The following KDM4B variants were observed in gnomAD, a reference collection of about 807,000 sequenced individuals.
KDM4B encodes lysine demethylase 4B, also known as lysine-specific demethylase 4B.
KDM4B carries 32 observed loss-of-function variants against 125.2 expected under a neutral mutation model. That is an observed-to-expected ratio of 0.26 (90% CI 0.19 to 0.34). KDM4B has a LOEUF of 0.34. Among genes scored for constraint, KDM4B ranks in the 10% least tolerant of loss-of-function variants. The pLI, the probability that KDM4B is intolerant of heterozygous loss-of-function variation, is 1.00. For synonymous variants in KDM4B, 721 were observed against 677.9 expected (o/e 1.06, Z -0.99); for missense variants, 1,190 against 1,577.7 (o/e 0.75, Z 4.16).
intron 11 of KDM4B, among the ~76,000 whole-genome samples, 190 bp downstream of exon 11, chr19:5,120,042 C>T (rs1239613158): frequency 6.6e-6 from 1 of 152,212 alleles, no homozygotes; most frequent in African/African-American, 2.4e-5. Flanking sequence ...AAAAGTGCCT[C>T]CGTCCCCAGA....
intron 1 of KDM4B, among the ~76,000 whole-genome samples, chr19:4,983,396 C>T (rs965937024): frequency 1.3e-5 from 2 of 152,182 alleles, no homozygotes. Flanking sequence ...ATGAGACACA[C>T]CTGACATTCA....
chr19:4,975,673 A>G (rs1555684504), intron 1 of KDM4B, among the ~76,000 whole-genome samples: 1 of 149,892 alleles, frequency 6.7e-6, no homozygotes, highest in Admixed American at 6.6e-5. Context: ...GCTCACTGCA[A>G]CCTCCACCTC....
chr19:5,104,511 C>T (rs1463255291), intron 9 of KDM4B, among the ~76,000 whole-genome samples: 4 of 148,998 alleles, frequency 2.7e-5, no homozygotes, highest in Non-Finnish European at 4.4e-5. Flanking sequence ...CAACTAAAAT[C>T]TTGGGAAATT....
At chr19:5,058,730 G>C (rs142271426) in intron 6 of KDM4B, among the ~76,000 whole-genome samples, 1 of 152,180 alleles carries the variant, frequency 6.6e-6, no homozygotes, top group Non-Finnish European at 1.5e-5. Context: ...CCTTCATTTT[G>C]GAGTCTTTTG....
At chr19:5,093,703 A>G (rs1007092378) in intron 9 of KDM4B, among the ~76,000 whole-genome samples, 2 of 152,136 alleles carry the variant, frequency 1.3e-5, no homozygotes, top group Non-Finnish European at 2.9e-5. Context: ...GATGGTCGAG[A>G]TGGCTGTGAG....
chr19:4,990,225 G>C (rs1189193169), intron 1 of KDM4B, among the ~76,000 whole-genome samples: 1 of 152,210 alleles, frequency 6.6e-6, no homozygotes, highest in African/African-American at 2.4e-5. Context: ...AGGAGGTTGA[G>C]GCTGCAGTGA....
At chr19:5,103,265 A>G (rs1429431776) in intron 9 of KDM4B, among the ~76,000 whole-genome samples, 1 of 152,244 alleles carries the variant, frequency 6.6e-6, no homozygotes, top group Non-Finnish European at 1.5e-5. Context: ...CGACGTCCTG[A>G]AGCAGGCCCT....
chr19:5,104,209 C>T lies in KDM4B; in HGVS notation c.919-6413C>T, dbSNP rs932788546. On this transcript the variant is annotated intron_variant, in intron 9 of 22. Transcript: ENST00000159111. The stretch of plus-strand genomic sequence containing the variant: ...CCCCGGCAGCAGCAGGACGAGCAGG[C>T]GTGCCAGCACAGCTCCTGGGCACCT... Among the ~76,000 whole-genome samples, 16 of 152,178 alleles carry T rather than the reference C, an allele frequency of 1.1e-4. No individual in the cohort carries two copies. The East Asian group carries it at 1.7e-3, about 17-fold the overall frequency.
At position 5,082,338 on chromosome 19, in the gene KDM4B, G is replaced by C. The variant is rs1402022715; in HGVS notation, c.781-29G>C. 6.2e-7 allele frequency: 1 copy of C among 1,612,630 alleles called. No homozygotes were observed. The highest frequency in any genetic ancestry group is 8.5e-7 in the Non-Finnish European group (1 of 1,179,662). On this transcript the variant is annotated intron_variant, in intron 8 of 22. Coordinates refer to ENST00000159111, the MANE Select transcript of KDM4B (RefSeq NM_015015.3). This position sits in a 1 kb window ranked among gnomAD's most constrained non-coding sequence, Gnocchi z 5.4. ...CCCCTGGTGCGCCTCTGGTGGCCCT[G>C]CCCTCACCTGTCTCCTTTCCCTCTG...
In KDM4B at chr19:5,153,548, G is replaced by A. The variant is rs781118612; in HGVS notation, c.*2037G>A. 1 of 152,248 alleles carries A rather than the reference G, an allele frequency of 6.6e-6. No homozygotes were observed. Among genetic ancestry groups the A allele is most frequent in the Non-Finnish European group, 1.5e-5 (1 of 68,080 alleles). 9.4% of individuals were successfully genotyped at this position (152,248 alleles called of 1,614,324 possible). On this transcript the variant is annotated 3_prime_UTR_variant, in exon 23 of 23. Coordinates refer to ENST00000159111, the MANE Select transcript of KDM4B (RefSeq NM_015015.3). ...GGATACGCTGTATTTTTTGCCTAAT[G>A]TCCCTGCCTCTAGGTTCATAATGAA... is the stretch of plus-strand genomic sequence containing the variant.
intron 9 of KDM4B, among the ~76,000 whole-genome samples, chr19:5,084,258 GTATT>G (rs1568285265): frequency 6.9e-6 from 1 of 145,824 alleles, no homozygotes; most frequent in Non-Finnish European, 1.5e-5. Flanking sequence ...AAAAAAATAC[GTATT>G]TATATATTAT....
chr19:5,026,509 G>A (rs1461468551), intron 2 of KDM4B, among the ~76,000 whole-genome samples: 2 of 152,040 alleles, frequency 1.3e-5, no homozygotes, highest in South Asian at 2.1e-4. Flanking sequence ...ACTCTTGCTC[G>A]CCCCTCTGTG....
At chr19:5,104,015 GGGCCCTCCCCACGGCTGCCTGCAGTCT>G (rs1465730975) in intron 9 of KDM4B, among the ~76,000 whole-genome samples, 4 of 152,234 alleles carry the variant, frequency 2.6e-5, no homozygotes, top group African/African-American at 9.6e-5. Context: ...GCAGAAGGAG[GGGCCCTCCCCACGGCTGCCTGCAGTCT>G]GGCCCTCCCC....
intron 10 of KDM4B, among the ~76,000 whole-genome samples, chr19:5,118,943 C>G (rs2039307377): frequency 6.6e-6 from 1 of 152,178 alleles, no homozygotes; most frequent in Admixed American, 6.5e-5. Context: ...CTGGCAGGCC[C>G]TGGGGTGTGG....
intron 18 of KDM4B, among the ~76,000 whole-genome samples, 182 bp from the exon 19 acceptor site, chr19:5,143,785 G>A (rs996750701): frequency 6.6e-6 from 1 of 152,200 alleles, no homozygotes; most frequent in Non-Finnish European, 1.5e-5. Context: ...CAGTGGGTCT[G>A]GAGGGCTTGG....
At chr19:5,012,405 T>G (rs1414461135) in intron 1 of KDM4B, among the ~76,000 whole-genome samples, 1 of 152,162 alleles carries the variant, frequency 6.6e-6, no homozygotes, top group Non-Finnish European at 1.5e-5. Flanking sequence ...TCGGATTGCC[T>G]CTGCTTTCCC....
intron 2 of KDM4B, among the ~76,000 whole-genome samples, chr19:5,023,449 A>T (rs1488514883): frequency 1.3e-5 from 2 of 152,118 alleles, no homozygotes; most frequent in Non-Finnish European, 2.9e-5. Flanking sequence ...GCCAGGTTTC[A>T]CTTGGGAACC....
intron 4 of KDM4B, among the ~76,000 whole-genome samples, chr19:5,040,808 G>A (rs926356295): frequency 1.3e-5 from 2 of 152,024 alleles, no homozygotes; most frequent in Non-Finnish European, 2.9e-5. Flanking sequence ...CTAGTCTGTC[G>A]TCTGAGCTCA....
Position 5,081,604 on chromosome 19 carries a change from C to T in KDM4B, c.781-763C>T, listed in dbSNP as rs1599575691. 2.0e-5 allele frequency among the ~76,000 whole-genome samples: 3 copies of T among 152,258 alleles called. No homozygotes were observed. The East Asian group carries it at 5.8e-4, about 29-fold the overall frequency. ...TCAGAGACCTGCAAAGTCGAATGGGCCGAACATCCGAATTGGACCTGGGTC... is the reference window on the plus strand; with the variant it reads ...TCAGAGACCTGCAAAGTCGAATGGGTCGAACATCCGAATTGGACCTGGGTC... On this transcript the variant is annotated intron_variant, in intron 8 of 22. Coordinates refer to ENST00000159111, the MANE Select transcript of KDM4B (RefSeq NM_015015.3). This position sits in a 1 kb window ranked among gnomAD's most constrained non-coding sequence, Gnocchi z 4.2.
Sources: allele counts gnomAD v4.1 joint callset (sites outside exome capture counted in the v4.1 genomes callset), GRCh38; gene constraint gnomAD v4.1.1; non-coding constraint Gnocchi (gnomAD v3.1); transcripts MANE v1.5; gene names NCBI Gene and HGNC (gene_info 2026-07-23, HGNC 2026-07-21).